The following SNTG1 variants were observed in gnomAD, a reference collection of about 807,000 sequenced individuals.
SNTG1 encodes syntrophin gamma 1.
A neutral mutation model predicts 74.7 loss-of-function variants in SNTG1; 39 were observed. The ratio of observed to expected loss-of-function variants is 0.52; its 90% CI spans 0.40 to 0.68. The LOEUF is 0.68. SNTG1 is among the 30% of genes least tolerant of loss of function. The pLI is 0.00. For synonymous variants in SNTG1, 254 were observed against 217.1 expected (o/e 1.17, Z -1.49); for missense variants, 685 against 609.5 (o/e 1.12, Z -1.30).
chr8:50,741,384 A>G (rs1181831503), intron 17 of SNTG1, among the ~76,000 whole-genome samples: 6 of 152,006 alleles, frequency 3.9e-5, no homozygotes, highest in Non-Finnish European at 5.9e-5. Flanking sequence ...CCACTTCCCA[A>G]GTGTTGGGAT....
chr8:50,051,846 T>G (rs914215781), intron 1 of SNTG1, among the ~76,000 whole-genome samples: 4 of 152,080 alleles, frequency 2.6e-5, no homozygotes, highest in African/African-American at 4.8e-5. Flanking sequence ...CCTACTTTTT[T>G]GGGGGCAGAC....
At chr8:49,962,441 T>A (rs1048953226) in intron 1 of SNTG1, among the ~76,000 whole-genome samples, 1 of 151,816 alleles carries the variant, frequency 6.6e-6, no homozygotes. Flanking sequence ...ATATCACATA[T>A]AAATGAGTCA....
At chr8:50,325,533 A>C (rs1028837196) in intron 2 of SNTG1, among the ~76,000 whole-genome samples, 1 of 152,070 alleles carries the variant, frequency 6.6e-6, no homozygotes, top group Non-Finnish European at 1.5e-5. Flanking sequence ...CATGGTATAT[A>C]GAAAAGTGAT....
chr8:50,177,545 C>A (rs2083044075), intron 2 of SNTG1, among the ~76,000 whole-genome samples: 1 of 152,172 alleles, frequency 6.6e-6, no homozygotes, highest in South Asian at 2.1e-4. Flanking sequence ...CACACAGAGA[C>A]CCTGGTTTGC....
intron 9 of SNTG1, among the ~76,000 whole-genome samples, chr8:50,513,176 G>A (rs1349207526): frequency 3.9e-5 from 6 of 152,166 alleles, no homozygotes; most frequent in Admixed American, 3.9e-4. Context: ...TTTGCTGGAG[G>A]TCCACTCCAG....
At chr8:50,634,484 C>G (rs1424889378) in intron 13 of SNTG1, among the ~76,000 whole-genome samples, 2 of 152,136 alleles carry the variant, frequency 1.3e-5, no homozygotes, top group African/African-American at 2.4e-5. Flanking sequence ...AGTTTTTTAA[C>G]TGAAATTTTA....
chr8:50,516,586 A>C (rs1056320499), intron 9 of SNTG1, among the ~76,000 whole-genome samples: 1 of 152,150 alleles, frequency 6.6e-6, no homozygotes. Flanking sequence ...GAATAAGTTT[A>C]GAGAAGAATA....
chr8:50,219,236 A>G (rs2084941790), intron 2 of SNTG1, among the ~76,000 whole-genome samples: 1 of 152,214 alleles, frequency 6.6e-6, no homozygotes, highest in African/African-American at 2.4e-5. Context: ...ACCTAAGCCC[A>G]GCATTAACTT....
chr8:50,033,435 C>T (rs1431982316), intron 1 of SNTG1, among the ~76,000 whole-genome samples: 1 of 152,068 alleles, frequency 6.6e-6, no homozygotes, highest in South Asian at 2.1e-4. Context: ...ATTTATTATT[C>T]TTAATAATAA....
chr8:50,484,125 TTTC>T lies in SNTG1; in HGVS notation c.364-18650_364-18648del, dbSNP rs1434465582. ...CTCTCTTTCTTTCTTTCTTTCTTTC[TTTC>T]TTTCTTTCCTTCTTTCTTTCTTTCC... On this transcript the variant is annotated intron_variant, in intron 8 of 18. Coordinates refer to ENST00000642720, the MANE Select transcript of SNTG1 (RefSeq NM_018967.5). Among the ~76,000 whole-genome samples, 460 of 115,102 alleles carry T rather than the reference TTTC, an allele frequency of 4.0e-3. 7 individuals carry two copies. The highest frequency in any genetic ancestry group is 0.015 in the African/African-American group (443 of 30,356). 75.5% of individuals were successfully genotyped at this position (115,102 alleles called of 152,430 possible). A position where few individuals can be genotyped will look rare whatever the true frequency, so the allele number is the denominator to read the frequency against.
intron 10 of SNTG1, among the ~76,000 whole-genome samples, chr8:50,534,843 C>G (rs913466854): frequency 6.6e-6 from 1 of 152,050 alleles, no homozygotes; most frequent in Non-Finnish European, 1.5e-5. Context: ...CTTTGTTTTT[C>G]AAAGATGTTG....
chr8:50,715,889 A>C (rs538300224), intron 17 of SNTG1, among the ~76,000 whole-genome samples: 1 of 152,350 alleles, frequency 6.6e-6, no homozygotes, highest in African/African-American at 2.4e-5. Flanking sequence ...TTAACATTTT[A>C]AGTTCATGAA....
At chr8:50,755,069 G>T (rs1288081747) in intron 18 of SNTG1, among the ~76,000 whole-genome samples, 1 of 151,714 alleles carries the variant, frequency 6.6e-6, no homozygotes, top group Admixed American at 6.6e-5. Context: ...CCCACCAGAG[G>T]GGGGGATGAA....
intron 3 of SNTG1, 119 bp from the exon 4 acceptor site, chr8:50,402,089 AGT>A: frequency 1.1e-6 from 1 of 941,474 alleles, no homozygotes; most frequent in Non-Finnish European, 1.5e-6. Flanking sequence ...GGCTCATCAG[AGT>A]GTGTTTTCAC....
At chr8:49,947,456 G>T (rs919169221) in intron 1 of SNTG1, among the ~76,000 whole-genome samples, 19 of 152,140 alleles carry the variant, frequency 1.2e-4, no homozygotes, top group African/African-American at 4.3e-4. Context: ...CTTTATGAGG[G>T]TCCAAAGCAA....
chr8:50,133,513 A>C (rs2081379317), intron 1 of SNTG1, among the ~76,000 whole-genome samples: 1 of 152,154 alleles, frequency 6.6e-6, no homozygotes, highest in African/African-American at 2.4e-5. Context: ...GAGTGGCTTA[A>C]GAGACATTTA....
chr8:50,785,476 A>T (rs1351473328), intron 18 of SNTG1, among the ~76,000 whole-genome samples: 3 of 152,060 alleles, frequency 2.0e-5, no homozygotes, highest in Admixed American at 2.0e-4. Flanking sequence ...TCAAAGATAA[A>T]TCAATAATTG....
intron 12 of SNTG1, among the ~76,000 whole-genome samples, chr8:50,588,011 T>C (rs1267047174): frequency 1.3e-5 from 2 of 149,694 alleles, no homozygotes; most frequent in Non-Finnish European, 3.0e-5. Flanking sequence ...TCCCAGCTAC[T>C]CAACAGGCTG....
At chr8:50,712,117 G>A (rs2095463199) in intron 17 of SNTG1, among the ~76,000 whole-genome samples, 1 of 152,166 alleles carries the variant, frequency 6.6e-6, no homozygotes. Context: ...TTCACTGAAT[G>A]CCTGCTGTCT....
Sources: gnomAD v4.1 joint callset for allele counts (sites outside exome capture counted in the v4.1 genomes callset) on GRCh38, gnomAD v4.1.1 for gene constraint, MANE v1.5 for transcripts, NCBI Gene and HGNC (gene_info 2026-07-23, HGNC 2026-07-21) for gene names.